The following LRCH1 variants were observed in gnomAD, a reference collection of about 807,000 sequenced individuals.
LRCH1 encodes leucine rich repeats and calponin homology domain containing 1, also known as leucine-rich repeat and calponin homology domain-containing protein 1.
A neutral mutation model predicts 94.9 loss-of-function variants in LRCH1; 23 were observed. The observed-to-expected ratio is 0.24, with a 90% CI of 0.17 to 0.34. The LOEUF (loss-of-function observed/expected upper bound fraction) is 0.34, where lower values mean the gene tolerates loss of function less well. Ranked by LOEUF, LRCH1 falls within the 10% of genes least tolerant of loss-of-function variation. The probability of loss-of-function intolerance (pLI) is 1.00; values close to 1 mark genes in which losing one functional copy is unlikely to be tolerated. For synonymous variants in LRCH1, 364 were observed against 354.9 expected (o/e 1.03, Z -0.29); for missense variants, 790 against 945.9 (o/e 0.84, Z 2.16).
downstream of LRCH1, among the ~76,000 whole-genome samples, chr13:46,745,874 G>A (rs9590990): frequency 0.027 from 4,034 of 152,148 alleles, 185 homozygotes; most frequent in African/African-American, 0.092. Flanking sequence ...AGGCAGTGAC[G>A]GCTCATCCTG....
At chr13:46,701,097 C>G (rs537870171) in intron 10 of LRCH1, 24 bp from the exon 11 acceptor site, 16 of 1,481,154 alleles carry the variant, frequency 1.1e-5, no homozygotes, top group African/African-American at 9.7e-5. Context: ...CGTTTTCATT[C>G]TTATGCTTGG....
intron 2 of LRCH1, among the ~76,000 whole-genome samples, chr13:46,663,198 ATCTC>A (rs1248532980): frequency 6.6e-6 from 1 of 152,164 alleles, no homozygotes; most frequent in Non-Finnish European, 1.5e-5. Context: ...ATAATAATAA[ATCTC>A]TGTCCTAAAA....
intron 1 of LRCH1, among the ~76,000 whole-genome samples, chr13:46,632,405 T>C (rs181263376): frequency 3.3e-5 from 5 of 152,318 alleles, no homozygotes; most frequent in African/African-American, 1.2e-4. Context: ...TAATTGCCGG[T>C]TGAATCACAG....
At chr13:46,630,058 T>A (rs2051000002) in intron 1 of LRCH1, among the ~76,000 whole-genome samples, 1 of 152,192 alleles carries the variant, frequency 6.6e-6, no homozygotes, top group African/African-American at 2.4e-5. Flanking sequence ...AGCTTGTGAG[T>A]CTAACAATTT....
intron 3 of LRCH1, among the ~76,000 whole-genome samples, chr13:46,674,903 C>G (rs2051650107): frequency 6.6e-6 from 1 of 152,190 alleles, no homozygotes; most frequent in African/African-American, 2.4e-5. Flanking sequence ...AAACTGTAAG[C>G]CCCTCATGGA....
downstream of LRCH1, among the ~76,000 whole-genome samples, chr13:46,748,273 G>A (rs909987442): frequency 6.2e-5 from 9 of 145,386 alleles, no homozygotes; most frequent in African/African-American, 2.4e-4. Context: ...GAGGGGTGTT[G>A]TAGATTTTTT....
At chr13:46,557,462 C>T (rs2050078001) in intron 1 of LRCH1, among the ~76,000 whole-genome samples, 1 of 140,364 alleles carries the variant, frequency 7.1e-6, no homozygotes, top group African/African-American at 2.5e-5. Flanking sequence ...AATCCCAGCA[C>T]TTTGGGAGGC....
At chr13:46,735,169 A>T (rs1227791474) in intron 19 of LRCH1, among the ~76,000 whole-genome samples, 1 of 152,216 alleles carries the variant, frequency 6.6e-6, no homozygotes, top group Admixed American at 6.5e-5. Flanking sequence ...ATTTTATATG[A>T]TGGACTGTCT....
chr13:46,594,189 C>A (rs1220314798), intron 1 of LRCH1, among the ~76,000 whole-genome samples: 1 of 151,572 alleles, frequency 6.6e-6, no homozygotes, highest in Non-Finnish European at 1.5e-5. Flanking sequence ...ATTGTCTTTC[C>A]ATTTCTTACC....
In LRCH1 at chr13:46,743,853, T is replaced by A. The variant is rs568940474; in HGVS notation, c.*2005T>A. On this transcript the variant is annotated 3_prime_UTR_variant, in exon 20 of 20. Transcript: ENST00000389797. ...GTGTTGATATAGTTCAATTAAAACATGTTAAAGACAAATTAAAAGACATTT... is the reference window on the plus strand; with the variant it reads ...GTGTTGATATAGTTCAATTAAAACAAGTTAAAGACAAATTAAAAGACATTT... The A allele has an allele frequency of 1.7e-4, 171 of 984,126 alleles. 1 individual carries two copies. In the African/African-American group the frequency reaches 2.8e-3, roughly 16 times the overall value. 61.0% of individuals were successfully genotyped at this position (984,126 alleles called of 1,614,324 possible). A position where few individuals can be genotyped will look rare whatever the true frequency, so the allele number is the denominator to read the frequency against.
chr13:46,691,243 G>T (rs1255399127), intron 7 of LRCH1, among the ~76,000 whole-genome samples: 1 of 152,116 alleles, frequency 6.6e-6, no homozygotes, highest in Non-Finnish European at 1.5e-5. Flanking sequence ...AATAAACCAG[G>T]CTCCATATTT....
At chr13:46,611,203 C>T (rs890067615) in intron 1 of LRCH1, among the ~76,000 whole-genome samples, 1 of 152,282 alleles carries the variant, frequency 6.6e-6, no homozygotes, top group East Asian at 1.9e-4. Context: ...TCATGCAGAT[C>T]CTCCAAGGGT....
intron 1 of LRCH1, among the ~76,000 whole-genome samples, chr13:46,629,766 G>A (rs1232877082): frequency 2.0e-5 from 3 of 152,202 alleles, no homozygotes; most frequent in Non-Finnish European, 4.4e-5. Flanking sequence ...TATCTTGATA[G>A]ATTAGCTTCC....
chr13:46,731,503 T>A (rs1873106652), intron 18 of LRCH1, among the ~76,000 whole-genome samples: 1 of 152,226 alleles, frequency 6.6e-6, no homozygotes, highest in Non-Finnish European at 1.5e-5. Context: ...AGTGCTAGGA[T>A]TACAGGTGTG....
chr13:46,626,784 T>C (rs1156781537), intron 1 of LRCH1, among the ~76,000 whole-genome samples: 1 of 152,230 alleles, frequency 6.6e-6, no homozygotes, highest in Non-Finnish European at 1.5e-5. Flanking sequence ...GGAAAGGACA[T>C]ATGGTAATCT....
intron 3 of LRCH1, among the ~76,000 whole-genome samples, chr13:46,670,862 G>A: frequency 6.6e-6 from 1 of 152,124 alleles, no homozygotes. Context: ...GGGACAGCTT[G>A]TGCAAAGGCA....
At chr13:46,562,759 C>A (rs2050143303) in intron 1 of LRCH1, among the ~76,000 whole-genome samples, 1 of 152,168 alleles carries the variant, frequency 6.6e-6, no homozygotes, top group Non-Finnish European at 1.5e-5. Flanking sequence ...TTGCAGGAGG[C>A]CCAAGACAGG....
rs925672814 is a variant in LRCH1, at chr13:46,744,171, G to A, written c.*2323G>A. 12 of 985,198 alleles carry A rather than the reference G, an allele frequency of 1.2e-5. No individual in the cohort carries two copies. Among genetic ancestry groups the A allele is most frequent in the Admixed American group, 6.2e-5 (1 of 16,246 alleles). 61.0% of individuals were successfully genotyped at this position (985,198 alleles called of 1,614,324 possible). Reference sequence around the variant, plus strand: ...GCCCATATGCTAACTGGATGCCTGCGGATGCCTGCCCTTGCAGCTTGACTG... The same window carrying A: ...GCCCATATGCTAACTGGATGCCTGCAGATGCCTGCCCTTGCAGCTTGACTG... On this transcript the variant is annotated 3_prime_UTR_variant, in exon 20 of 20. Transcript: ENST00000389797.
intron 2 of LRCH1, among the ~76,000 whole-genome samples, chr13:46,667,013 A>G (rs2051526191): frequency 6.6e-6 from 1 of 152,152 alleles, no homozygotes; most frequent in Non-Finnish European, 1.5e-5. Context: ...CAATCCTGCT[A>G]ACTAGGGAAA....
Sources: gnomAD v4.1 joint callset for allele counts (sites outside exome capture counted in the v4.1 genomes callset) on GRCh38, gnomAD v4.1.1 for gene constraint, MANE v1.5 for transcripts, NCBI Gene and HGNC (gene_info 2026-07-23, HGNC 2026-07-21) for gene names.